The following RAP1GDS1 variants were observed in gnomAD, a reference collection of about 807,000 sequenced individuals.
RAP1GDS1 encodes RAP1, GTP-GDP dissociation stimulator 1.
In RAP1GDS1, 35 loss-of-function variants were observed where a neutral mutation model predicts 71.1. That is an observed-to-expected ratio of 0.49 (90% confidence interval 0.38 to 0.65). The LOEUF (loss-of-function observed/expected upper bound fraction) is 0.65. Ranked by LOEUF, RAP1GDS1 falls within the 30% of genes least tolerant of loss-of-function variation. The probability of loss-of-function intolerance (pLI) is 0.00; values close to 1 mark genes in which losing one functional copy is unlikely to be tolerated. For missense variants in RAP1GDS1, 663 were observed against 706.1 expected, an observed-to-expected ratio of 0.94 and a Z score of 0.69; for synonymous variants, 229 against 243.1, an observed-to-expected ratio of 0.94 and a Z score of 0.54.
intron 1 of RAP1GDS1, among the ~76,000 whole-genome samples, chr4:98,280,377 TC>T (rs1286978874): frequency 6.6e-6 from 1 of 152,258 alleles, no homozygotes; most frequent in Non-Finnish European, 1.5e-5. Flanking sequence ...GAGCATTTTT[TC>T]ATGTGTCTGT....
At chr4:98,438,546 A>C (rs1213784703) in intron 14 of RAP1GDS1, among the ~76,000 whole-genome samples, 1 of 135,914 alleles carries the variant, frequency 7.4e-6, no homozygotes, top group Non-Finnish European at 1.6e-5. Context: ...AACATTTTTT[A>C]ATCATTTACA....
chr4:98,386,247 A>G (rs1262900966), intron 5 of RAP1GDS1, among the ~76,000 whole-genome samples: 1 of 151,902 alleles, frequency 6.6e-6, no homozygotes, highest in African/African-American at 2.4e-5. Context: ...ATTAAGGCAT[A>G]ATCACTCTAG....
chr4:98,399,601 A>AT (rs1745069846), intron 6 of RAP1GDS1, among the ~76,000 whole-genome samples: 1 of 152,136 alleles, frequency 6.6e-6, no homozygotes, highest in African/African-American at 2.4e-5. Context: ...CCCCAGTCCC[A>AT]TTTTTAAAAT....
At chr4:98,338,382 G>T (rs1301584498) in intron 2 of RAP1GDS1, among the ~76,000 whole-genome samples, 5 of 152,092 alleles carry the variant, frequency 3.3e-5, no homozygotes, top group African/African-American at 4.8e-5. Context: ...AAAGGAGAGA[G>T]GATTGGGGAC....
At chr4:98,289,162 C>G (rs1368254047) in intron 1 of RAP1GDS1, among the ~76,000 whole-genome samples, 1 of 151,992 alleles carries the variant, frequency 6.6e-6, no homozygotes, top group Non-Finnish European at 1.5e-5. Flanking sequence ...TAATTCTCAG[C>G]AATCACAAAA....
intron 1 of RAP1GDS1, among the ~76,000 whole-genome samples, chr4:98,262,298 A>G (rs572101210): frequency 3.9e-5 from 6 of 152,090 alleles, no homozygotes; most frequent in Non-Finnish European, 8.8e-5. Context: ...GCGCCCTGTA[A>G]CGTTGTTACC....
At chr4:98,441,042 T>G (rs999939996) in intron 14 of RAP1GDS1, among the ~76,000 whole-genome samples, 2 of 152,232 alleles carry the variant, frequency 1.3e-5, no homozygotes, top group Non-Finnish European at 2.9e-5. Context: ...TTATTGTAGC[T>G]TTGTAGTAAG....
intron 2 of RAP1GDS1, among the ~76,000 whole-genome samples, chr4:98,312,363 C>A (rs758988034): frequency 2.0e-4 from 30 of 152,074 alleles, no homozygotes; most frequent in Non-Finnish European, 4.3e-4. Flanking sequence ...ATGTTGATCC[C>A]TAATCATCTT....
chr4:98,425,552 G>T (rs767462392), intron 12 of RAP1GDS1, among the ~76,000 whole-genome samples: 1 of 152,086 alleles, frequency 6.6e-6, no homozygotes, highest in Non-Finnish European at 1.5e-5. Context: ...TATGTAAATG[G>T]ATACCAAAAG....
chr4:98,324,430 C>G (rs1301319720), intron 2 of RAP1GDS1, among the ~76,000 whole-genome samples: 4 of 151,740 alleles, frequency 2.6e-5, no homozygotes, highest in Non-Finnish European at 5.9e-5. Context: ...CTTTAAAGTT[C>G]ATATGGAACC....
intron 12 of RAP1GDS1, among the ~76,000 whole-genome samples, chr4:98,422,467 T>C (rs10010135): frequency 0.18 from 26,741 of 151,906 alleles, 3,871 homozygotes; most frequent in African/African-American, 0.4. Context: ...CCTCCCACCT[T>C]GGCCTCCCAA....
chr4:98,305,389 A>G (rs893113417), intron 2 of RAP1GDS1, among the ~76,000 whole-genome samples: 4 of 152,004 alleles, frequency 2.6e-5, no homozygotes, highest in African/African-American at 4.8e-5. Flanking sequence ...TTTTAAAGGA[A>G]CCTTAGGTTC....
chr4:98,310,031 T>C (rs1729978822), intron 2 of RAP1GDS1, among the ~76,000 whole-genome samples: 1 of 152,096 alleles, frequency 6.6e-6, no homozygotes, highest in Non-Finnish European at 1.5e-5. Flanking sequence ...TGTTGTGCTA[T>C]GTCATACTGC....
At chr4:98,378,402 C>A (rs1295547477) in intron 4 of RAP1GDS1, among the ~76,000 whole-genome samples, 1 of 151,586 alleles carries the variant, frequency 6.6e-6, no homozygotes, top group African/African-American at 2.4e-5. Context: ...AAAAAAGAAA[C>A]AAATCAAGAA....
chr4:98,310,604 A>G (rs544653615), intron 2 of RAP1GDS1, among the ~76,000 whole-genome samples: 1 of 152,320 alleles, frequency 6.6e-6, no homozygotes, highest in East Asian at 1.9e-4. Context: ...CATGTAAAGC[A>G]GAATGAACTA....
At chr4:98,415,751 AG>A (rs1310107272) in intron 7 of RAP1GDS1, among the ~76,000 whole-genome samples, 13 of 152,182 alleles carry the variant, frequency 8.5e-5, no homozygotes, top group African/African-American at 3.1e-4. Flanking sequence ...TGTTATGTTT[AG>A]CCATCAGAAA....
At chr4:98,336,840 T>G (rs1041353033) in intron 2 of RAP1GDS1, among the ~76,000 whole-genome samples, 1 of 152,102 alleles carries the variant, frequency 6.6e-6, no homozygotes, top group Non-Finnish European at 1.5e-5. Flanking sequence ...CTACTTATAT[T>G]CAGCATATTT....
chr4:98,404,374 A>G (rs1342874496), intron 6 of RAP1GDS1, 103 bp from the exon 7 acceptor site: 3 of 1,102,420 alleles, frequency 2.7e-6, no homozygotes, highest in Non-Finnish European at 3.8e-6. Context: ...TTTGAAGAGT[A>G]TTTGTATTTA....
At chr4:98,310,616 T>G (rs1730076262) in intron 2 of RAP1GDS1, among the ~76,000 whole-genome samples, 1 of 152,164 alleles carries the variant, frequency 6.6e-6, no homozygotes, top group African/African-American at 2.4e-5. Context: ...AATGAACTAA[T>G]TTATATTGTA....
Sources: gnomAD v4.1 joint callset for allele counts (sites outside exome capture counted in the v4.1 genomes callset) on GRCh38, gnomAD v4.1.1 for gene constraint, MANE v1.5 for transcripts, NCBI Gene and HGNC (gene_info 2026-07-23, HGNC 2026-07-21) for gene names.